The following PLXNB1 variants were observed in gnomAD, a reference collection of about 807,000 sequenced individuals.
PLXNB1 encodes the protein plexin B1.
In PLXNB1, 106 loss-of-function variants were observed where a neutral mutation model predicts 209.4. That is an observed-to-expected ratio of 0.51 (90% CI 0.43 to 0.59). The LOEUF (loss-of-function observed/expected upper bound fraction) is 0.59, where lower values mean the gene tolerates loss of function less well. Ranked by LOEUF, PLXNB1 falls within the 20% of genes least tolerant of loss-of-function variation. PLXNB1 has a pLI of 0.00. For missense variants in PLXNB1, 2,357 were observed against 2,853.2 expected, an observed-to-expected ratio of 0.83 and a Z score of 3.96; for synonymous variants, 1,167 against 1,183.2, an observed-to-expected ratio of 0.99 and a Z score of 0.28.
At position 48,418,485 on chromosome 3, in the gene PLXNB1, C is replaced by A; in HGVS notation, c.3013G>T (p.Gly1005Cys). Residue 1005 changes from glycine to cysteine, a missense_variant, in exon 14 of 38, where the codon GGC (glycine) becomes TGC (cysteine). This residue lies in a region of PLXNB1 where 743 missense variants were observed against 896.2 expected (regional missense o/e 0.83). Coordinates refer to ENST00000296440, the MANE Select transcript of PLXNB1 (RefSeq NM_001130082.3). The surrounding 1 kb of genome is among the most constrained non-coding windows in gnomAD (Gnocchi z 6.6). ...LRVGLFLRRAGRLRVDSAEGL... is the reference protein window; with the variant it reads ...LRVGLFLRRACRLRVDSAEGL... ...TCAGCACTGTCCACACGCAGACGGC[C>A]GGCCCGACGCAGAAACAGCCCCACA... The A allele has an allele frequency of 1.9e-6, 3 of 1,612,552 alleles. No individual in the cohort carries two copies. Among genetic ancestry groups the A allele is most frequent in the East Asian group, 2.2e-5 (1 of 44,788 alleles).
intron 1 of PLXNB1, among the ~76,000 whole-genome samples, chr3:48,428,444 G>A (rs950562562): frequency 8.5e-5 from 13 of 152,128 alleles, no homozygotes; most frequent in Admixed American, 2.6e-4. Flanking sequence ...CTTTTCAGGG[G>A]GCGCAAGACT....
At position 48,419,816 on chromosome 3, in the gene PLXNB1, G is replaced by A. The variant is rs1210471371; in HGVS notation, c.2470C>T (p.Pro824Ser). ...VPLDLPPATV[P>S]ATTFPGAMGS... ...ATGGCCCCTGGGAAAGTGGTGGCAG[G>A]AACAGTGGCAGGGGGCAGGTCCAGG... The change falls in exon 11 of 38, where the codon CCT becomes TCT. Residue 824 changes from proline (P) to serine (S), a missense_variant. Physicochemically the swap from Pro to Ser is moderately conservative, Grantham distance 74. Coordinates refer to ENST00000296440, the MANE Select transcript of PLXNB1 (RefSeq NM_001130082.3). This position sits in a 1 kb window ranked among gnomAD's most constrained non-coding sequence, Gnocchi z 5.7. 6.3e-7 allele frequency: 1 copy of A among 1,587,894 alleles called. No homozygotes were observed. The highest frequency in any genetic ancestry group is 1.7e-4 in the Middle Eastern group (1 of 5,978).
At position 48,413,828 on chromosome 3, in the gene PLXNB1, G is replaced by A. The variant is rs759770524; in HGVS notation, c.4387-10C>T. 1 of 1,612,076 alleles carries A rather than the reference G, an allele frequency of 6.2e-7. No homozygotes were observed. The highest frequency in any genetic ancestry group is 1.7e-4 in the Middle Eastern group (1 of 6,052). On this transcript the variant is annotated splice_polypyrimidine_tract_variant and intron_variant, in intron 22 of 37. Coordinates refer to ENST00000296440, the MANE Select transcript of PLXNB1 (RefSeq NM_001130082.3). This position sits in a 1 kb window ranked among gnomAD's most constrained non-coding sequence, Gnocchi z 5.4. ...AGTTCCCCATCTGCACCTGTGTCAG[G>A]AGCCACCTGTGAGCAAGGGTTTGGC...
In PLXNB1 at chr3:48,417,995, T is replaced by C; in HGVS notation, c.3290A>G (p.Gln1097Arg). ...CATGCCCAGCACATCCTGCACATGC[T>C]GGCCCAGGTTGGAGCCCCTGATGGT... ...RVTIRGSNLG[Q>R]HVQDVLGMVT... The change falls in exon 16 of 38, where the codon CAG becomes CGG. Residue 1097 changes from glutamine (Q) to arginine (R), a missense_variant. By Grantham distance (43) the Gln-to-Arg change is conservative. Around this residue, in one of 7 missense-constraint regions of PLXNB1, gnomAD observed 743 missense variants for 896.2 expected, o/e 0.83. Coordinates refer to ENST00000296440, the MANE Select transcript of PLXNB1 (RefSeq NM_001130082.3). The surrounding 1 kb of genome is among the most constrained non-coding windows in gnomAD (Gnocchi z 4.4). 6.2e-7 allele frequency: 1 copy of C among 1,613,512 alleles called. No homozygotes were observed. Among genetic ancestry groups the C allele is most frequent in the Non-Finnish European group, 8.5e-7 (1 of 1,180,018 alleles).
Position 48,410,308 on chromosome 3 carries a change from C to T in PLXNB1, c.5593G>A (p.Val1865Ile), listed in dbSNP as rs1212753240. Reference protein sequence around the residue: ...KHVLRENQDYVPGERTPMLED... With the variant: ...KHVLRENQDYIPGERTPMLED... ...GAGCGGTACTCACGCTCTCCAGGGA[C>T]ATAATCCTGGTTTTCCCGGAGCACA... is the stretch of plus-strand genomic sequence containing the variant. Residue 1865 changes from valine (V) to isoleucine (I), a missense_variant, in exon 31 of 38, where the codon GTC (valine) becomes ATC (isoleucine). Val to Ile is a conservative substitution (Grantham distance 29). Transcript: ENST00000296440. The surrounding 1 kb of genome is among the most constrained non-coding windows in gnomAD (Gnocchi z 6.4). 1 of 1,611,172 alleles carries T rather than the reference C, an allele frequency of 6.2e-7. No homozygotes were observed. The highest frequency in any genetic ancestry group is 1.1e-5 in the South Asian group (1 of 90,600).
Position 48,412,967 on chromosome 3 carries a change from G to A in PLXNB1, c.4637-8C>T. The A allele has an allele frequency of 1.2e-6, 2 of 1,613,714 alleles. No individual in the cohort carries two copies. The highest frequency in any genetic ancestry group is 2.2e-5 in the East Asian group (1 of 44,884). On this transcript the variant is annotated splice_polypyrimidine_tract_variant and splice_region_variant and intron_variant, in intron 24 of 37. Transcript: ENST00000296440. ...TCATCTCAGTCATGAGGTCTGTTAA[G>A]CAGAAGAGGCCAGGTTAAGCACCTG... is the stretch of plus-strand genomic sequence containing the variant.
At position 48,415,000 on chromosome 3, in the gene PLXNB1, C is replaced by T. The variant is rs1211838618; in HGVS notation, c.4008G>A (p.Thr1336=). ...GGCCTGGGAGGGCAGGTGTGCGGCA[C>T]GTGATGAGCTGGGAGGAGTTGACAT... The part of the protein sequence containing the change: ...PCHVNSSQLI[T]CRTPALPGLP... Residue 1336 remains threonine, a synonymous_variant, in exon 21 of 38, where the codon ACG becomes ACA. Coordinates refer to ENST00000296440, the MANE Select transcript of PLXNB1 (RefSeq NM_001130082.3). 8 of 1,613,450 alleles carry T rather than the reference C, an allele frequency of 5.0e-6. No homozygotes were observed. The highest frequency in any genetic ancestry group is 3.3e-5 in the Admixed American group (2 of 60,004).
rs1013690031 is a variant in PLXNB1, at chr3:48,419,747, C to T, written c.2539G>A (p.Gly847Ser). The T allele has an allele frequency of 6.2e-7, 1 of 1,609,520 alleles. No individual in the cohort carries two copies. The highest frequency in any genetic ancestry group is 1.7e-5 in the Admixed American group (1 of 59,530). The change falls in exon 11 of 38, where the codon GGC becomes AGC. Residue 847 changes from glycine (G) to serine (S), a missense_variant. Physicochemically the swap from Gly to Ser is moderately conservative, Grantham distance 56. This residue lies in a region of PLXNB1 where 410 missense variants were observed against 401.0 expected (regional missense o/e 1.02). Transcript: ENST00000296440. This position sits in a 1 kb window ranked among gnomAD's most constrained non-coding sequence, Gnocchi z 5.7. ...CACTCGTCCGCCTCGGGCAGCTCGC[C>T]GCCTTCTCTCGTGAGCCAGTCCAGG... ...PALDWLTREG[G>S]ELPEADEWTG...
rs758358320 is a variant in PLXNB1, at chr3:48,410,121, C to G, written c.5606-44G>C. ...GCTGTCACCCCTCCCCAGGTGCCAC[C>G]TCCCCAGGCCCCCTGTTTCTTGCCA... On this transcript the variant is annotated intron_variant, in intron 31 of 37. Coordinates refer to ENST00000296440, the MANE Select transcript of PLXNB1 (RefSeq NM_001130082.3). The surrounding 1 kb of genome is among the most constrained non-coding windows in gnomAD (Gnocchi z 6.4). The G allele has an allele frequency of 2.0e-6, 3 of 1,532,438 alleles. No homozygotes were observed. The highest frequency in any genetic ancestry group is 2.8e-5 in the African/African-American group (2 of 72,504). 94.9% of individuals were successfully genotyped at this position (1,532,438 alleles called of 1,614,324 possible).
Position 48,416,332 on chromosome 3 carries a change from C to T in PLXNB1, c.3480+14G>A. 3 of 1,601,828 alleles carry T rather than the reference C, an allele frequency of 1.9e-6. No homozygotes were observed. ...GGCCCGCTGGCAGCTGGGGGTGGCT[C>T]AGCAGTCAGGTACCTGGTAGGCAAA... On this transcript the variant is annotated intron_variant, in intron 17 of 37. Transcript: ENST00000296440. The surrounding 1 kb of genome is among the most constrained non-coding windows in gnomAD (Gnocchi z 4.1).
Position 48,416,257 on chromosome 3 carries a change from GC to G in PLXNB1, c.3480+88del. 6.5e-7 allele frequency: 1 copy of G among 1,549,096 alleles called. No homozygotes were observed. On this transcript the variant is annotated intron_variant, in intron 17 of 37. Coordinates refer to ENST00000296440, the MANE Select transcript of PLXNB1 (RefSeq NM_001130082.3). The surrounding 1 kb of genome is among the most constrained non-coding windows in gnomAD (Gnocchi z 4.1). ...GAGACAGGCTGGCCCAGGACTGGGA[GC>G]CCCACCAAGGAATAACCAGATGGGT...
Position 48,415,324 on chromosome 3 carries a change from C to A in PLXNB1, c.3818G>T (p.Arg1273Leu), listed in dbSNP as rs755598840. The A allele has an allele frequency of 3.7e-6, 6 of 1,613,442 alleles. No individual in the cohort carries two copies. Among genetic ancestry groups the A allele is most frequent in the Admixed American group, 1.7e-5 (1 of 60,008 alleles). Residue 1273 changes from arginine to leucine, a missense_variant, in exon 20 of 38, where the codon CGT becomes CTT. By Grantham distance (102) the Arg-to-Leu change is moderately radical (BLOSUM62 -2). Around this residue, in one of 7 missense-constraint regions of PLXNB1, gnomAD observed 743 missense variants for 896.2 expected, o/e 0.83. Coordinates refer to ENST00000296440, the MANE Select transcript of PLXNB1 (RefSeq NM_001130082.3). This position sits in a 1 kb window ranked among gnomAD's most constrained non-coding sequence, Gnocchi z 5.0. The stretch of plus-strand genomic sequence containing the variant: ...CTGTACCACGTCCAGATTCTGGCCA[C>A]GGACGCATATCTCACGTCCTCCACT... ...FLSGGREICV[R>L]GQNLDVVQTP...
Position 48,415,207 on chromosome 3 carries a change from C to T in PLXNB1, c.3935G>A (p.Cys1312Tyr), listed in dbSNP as rs1228214382. The change falls in exon 20 of 38, where the codon TGT becomes TAT. Residue 1312 changes from cysteine to tyrosine, a missense_variant. Around this residue, in one of 7 missense-constraint regions of PLXNB1, gnomAD observed 743 missense variants for 896.2 expected, o/e 0.83. Coordinates refer to ENST00000296440, the MANE Select transcript of PLXNB1 (RefSeq NM_001130082.3). This position sits in a 1 kb window ranked among gnomAD's most constrained non-coding sequence, Gnocchi z 5.0. ...GCTACTGCAGGAGGGTCCAAGGGAA[C>T]ATGCCGTCTCCGGGACCACGCGACG... Reference protein sequence around the residue: ...RRRRVVPETACSLGPSCSSQQ... With the variant: ...RRRRVVPETAYSLGPSCSSQQ... 19 of 1,613,476 alleles carry T rather than the reference C, an allele frequency of 1.2e-5. No individual in the cohort carries two copies. Among genetic ancestry groups the T allele is most frequent in the Non-Finnish European group, 1.6e-5 (19 of 1,179,960 alleles).
In PLXNB1 at chr3:48,415,827, C is replaced by A. The variant is rs1170370298; in HGVS notation, c.3618-68G>T. 1 of 1,456,316 alleles carries A rather than the reference C, an allele frequency of 6.9e-7. No individual in the cohort carries two copies. Among genetic ancestry groups the A allele is most frequent in the Non-Finnish European group, 9.3e-7 (1 of 1,079,574 alleles). 90.2% of individuals were successfully genotyped at this position (1,456,316 alleles called of 1,614,324 possible). ...AAAACTTGGACCACTCAGGCCCCAA[C>A]TGGCTTCCCTCAAGCGCTGACTGCA... On this transcript the variant is annotated intron_variant, in intron 18 of 37. Coordinates refer to ENST00000296440, the MANE Select transcript of PLXNB1 (RefSeq NM_001130082.3). This position sits in a 1 kb window ranked among gnomAD's most constrained non-coding sequence, Gnocchi z 5.0.
Position 48,421,047 on chromosome 3 carries a change from G to T in PLXNB1, c.1811-91C>A, listed in dbSNP as rs1313594831. 3.8e-6 allele frequency: 5 copies of T among 1,310,848 alleles called. No individual in the cohort carries two copies. The East Asian group carries it at 1.2e-4, about 31-fold the overall frequency. The allele number at this position is 1,310,848 out of a possible 1,614,324, so 81.2% of individuals were successfully genotyped here. On this transcript the variant is annotated intron_variant, in intron 8 of 37. Transcript: ENST00000296440. Reference sequence around the variant, plus strand: ...TCCTGAGCCCTTGAATGGGGAAGAGGACCCGGGATGAGGGAATACAGTCCA... The same window carrying T: ...TCCTGAGCCCTTGAATGGGGAAGAGTACCCGGGATGAGGGAATACAGTCCA...
chr3:48,404,303 G>A lies in PLXNB1; in HGVS notation c.*183C>T, dbSNP rs1278500003. On this transcript the variant is annotated 3_prime_UTR_variant, in exon 38 of 38. Coordinates refer to ENST00000296440, the MANE Select transcript of PLXNB1 (RefSeq NM_001130082.3). The stretch of plus-strand genomic sequence containing the variant: ...CTGGGTACTACCCCATGAGCCTTGA[G>A]GCCCCGGGTCTAGGAGGTGGATCCA... 2 of 582,238 alleles carry A rather than the reference G, an allele frequency of 3.4e-6. No individual in the cohort carries two copies. Among genetic ancestry groups the A allele is most frequent in the Non-Finnish European group, 6.1e-6 (2 of 327,750 alleles). The allele number at this position is 582,238 out of a possible 1,614,324, so 36.1% of individuals were successfully genotyped here. A position where few individuals can be genotyped will look rare whatever the true frequency, so the allele number is the denominator to read the frequency against.
chr3:48,423,453 C>A, intron 3 of PLXNB1, 52 bp downstream of exon 3: 2 of 1,578,774 alleles, frequency 1.3e-6, no homozygotes, highest in South Asian at 2.3e-5. Context: ...GCTGCAAATG[C>A]TTGGCCAGTG....
At position 48,419,396 on chromosome 3, in the gene PLXNB1, G is replaced by A; in HGVS notation, c.2710-30C>T. The A allele has an allele frequency of 6.5e-7, 1 of 1,536,596 alleles. No homozygotes were observed. The highest frequency in any genetic ancestry group is 8.8e-7 in the Non-Finnish European group (1 of 1,139,508). The stretch of plus-strand genomic sequence containing the variant: ...AGGCACCAAGGGCAAGGCAGTCTAT[G>A]GAGCCCACCCTGCCCAGCTCAGCCC... On this transcript the variant is annotated intron_variant, in intron 11 of 37. Coordinates refer to ENST00000296440, the MANE Select transcript of PLXNB1 (RefSeq NM_001130082.3). The surrounding 1 kb of genome is among the most constrained non-coding windows in gnomAD (Gnocchi z 5.7).
rs1363335816 is a variant in PLXNB1 at position 48,422,225 on chromosome 3, C to T, written c.1420-20G>A. On this transcript the variant is annotated intron_variant, in intron 5 of 37. Transcript: ENST00000296440. ...CAGAAGCTGAGACAGCAAAGAGGAC[C>T]TGAGGCCAGCAATCCAAACACCAGT... The T allele has an allele frequency of 6.2e-7, 1 of 1,612,894 alleles. No individual in the cohort carries two copies. Among genetic ancestry groups the T allele is most frequent in the African/African-American group, 1.3e-5 (1 of 74,908 alleles).
Sources: gnomAD v4.1 joint callset for allele counts (sites outside exome capture counted in the v4.1 genomes callset) on GRCh38, gnomAD v4.1.1 for gene constraint, gnomAD v4.1.1 regional missense constraint, Gnocchi (gnomAD v3.1) non-coding constraint, MANE v1.5 for transcripts, NCBI Gene and HGNC (gene_info 2026-07-23, HGNC 2026-07-21) for gene names.